ANTXR1: variants seen among roughly 807,000 people sequenced by gnomAD.
ANTXR1 encodes the protein ANTXR cell adhesion molecule 1, also known as anthrax toxin receptor 1.
A neutral mutation model predicts 78.1 loss-of-function variants in ANTXR1; 19 were observed. The observed-to-expected ratio is 0.24, with a 90% confidence interval of 0.17 to 0.36. The LOEUF is 0.36. Ranked by LOEUF, ANTXR1 falls within the 10% of genes least tolerant of loss-of-function variation. ANTXR1 has a pLI of 1.00. For synonymous variants in ANTXR1, 273 were observed against 260.5 expected, an observed-to-expected ratio of 1.05 and a Z score of -0.46; for missense variants, 518 against 718.6, an observed-to-expected ratio of 0.72 and a Z score of 3.19.
intron 12 of ANTXR1, among the ~76,000 whole-genome samples, chr2:69,140,453 C>G (rs1673039666): frequency 6.6e-6 from 1 of 152,182 alleles, no homozygotes; most frequent in African/African-American, 2.4e-5. Context: ...TTTAAAGCCA[C>G]AATATTTGAA....
chr2:69,038,280 T>C (rs542809152), intron 1 of ANTXR1, among the ~76,000 whole-genome samples: 1 of 152,290 alleles, frequency 6.6e-6, no homozygotes, highest in East Asian at 1.9e-4. Context: ...TAGTGCTGGG[T>C]GATGTTATTT....
intron 8 of ANTXR1, among the ~76,000 whole-genome samples, chr2:69,082,967 A>T (rs1670942450): frequency 6.6e-6 from 1 of 152,246 alleles, no homozygotes; most frequent in Admixed American, 6.5e-5. Context: ...CTGTGGCATG[A>T]CCATCCTTGT....
chr2:69,219,922 T>C (rs1232634727), intron 17 of ANTXR1, among the ~76,000 whole-genome samples: 1 of 152,164 alleles, frequency 6.6e-6, no homozygotes. Context: ...TGATTTTTTT[T>C]TGAACAGGCT....
At chr2:69,084,974 T>C (rs1671005734) in intron 8 of ANTXR1, among the ~76,000 whole-genome samples, 1 of 150,242 alleles carries the variant, frequency 6.7e-6, no homozygotes, top group African/African-American at 2.5e-5. Context: ...TGCCCCAGCC[T>C]CCCGAGTAGC....
intron 6 of ANTXR1, among the ~76,000 whole-genome samples, chr2:69,074,571 T>C (rs1283666719): frequency 6.6e-6 from 1 of 152,152 alleles, no homozygotes; most frequent in Admixed American, 6.5e-5. Context: ...CTATATAAAG[T>C]CCAACTGGAG....
chr2:69,141,433 C>T (rs1673065031), intron 12 of ANTXR1, among the ~76,000 whole-genome samples: 1 of 152,170 alleles, frequency 6.6e-6, no homozygotes, highest in Non-Finnish European at 1.5e-5. Context: ...GAAGGACAGG[C>T]AGTGGAGTTT....
At chr2:69,139,802 A>G (rs563944058) in intron 12 of ANTXR1, among the ~76,000 whole-genome samples, 64 of 152,358 alleles carry the variant, frequency 4.2e-4, no homozygotes, top group African/African-American at 1.4e-3. Flanking sequence ...TTGAGCATAT[A>G]CATTAAATAA....
intron 14 of ANTXR1, among the ~76,000 whole-genome samples, chr2:69,177,503 G>A (rs1265176979): frequency 6.6e-6 from 1 of 152,208 alleles, no homozygotes; most frequent in African/African-American, 2.4e-5. Flanking sequence ...ACCATCTGAG[G>A]AATGTGCTGC....
intron 12 of ANTXR1, among the ~76,000 whole-genome samples, chr2:69,131,100 A>C (rs894054196): frequency 6.6e-6 from 1 of 152,224 alleles, no homozygotes; most frequent in Non-Finnish European, 1.5e-5. Flanking sequence ...CCACAAAAAA[A>C]AATCTATCAT....
intron 10 of ANTXR1, among the ~76,000 whole-genome samples, chr2:69,120,088 C>T (rs1477219857): frequency 3.9e-5 from 6 of 152,214 alleles, no homozygotes; most frequent in Admixed American, 2.0e-4. Context: ...CAAACATCAT[C>T]GCTTAGCCTC....
At chr2:69,224,432 T>C (rs1017977318) in intron 17 of ANTXR1, among the ~76,000 whole-genome samples, 1 of 152,182 alleles carries the variant, frequency 6.6e-6, no homozygotes, top group African/African-American at 2.4e-5. Context: ...AAGAATGAAG[T>C]ACCATGTCCT....
intron 14 of ANTXR1, among the ~76,000 whole-genome samples, chr2:69,180,344 A>T (rs1248048553): frequency 6.6e-6 from 1 of 152,058 alleles, no homozygotes; most frequent in Non-Finnish European, 1.5e-5. Flanking sequence ...TGCTTTATCA[A>T]CCCCTTTTCC....
At chr2:69,044,669 A>T in intron 2 of ANTXR1, 73 bp from the exon 3 acceptor site, 1 of 1,492,734 alleles carries the variant, frequency 6.7e-7, no homozygotes, top group South Asian at 1.1e-5. Flanking sequence ...AGGGAAGGAC[A>T]GGGAGGGAGC....
intron 10 of ANTXR1, among the ~76,000 whole-genome samples, chr2:69,111,454 G>A (rs141440340): frequency 3.3e-4 from 51 of 152,332 alleles, no homozygotes; most frequent in African/African-American, 1.2e-3. Flanking sequence ...GCATGGAGAT[G>A]CATGAGGTAT....
chr2:69,180,798 A>G (rs1381163696), intron 14 of ANTXR1, among the ~76,000 whole-genome samples: 1 of 152,216 alleles, frequency 6.6e-6, no homozygotes. Flanking sequence ...ATCCTTAACT[A>G]AAAATAAAAC....
At chr2:69,057,899 A>G (rs1233280393) in intron 3 of ANTXR1, among the ~76,000 whole-genome samples, 1 of 152,232 alleles carries the variant, frequency 6.6e-6, no homozygotes, top group Non-Finnish European at 1.5e-5. Flanking sequence ...CAGTGAACAC[A>G]CAAATGATTA....
intron 17 of ANTXR1, among the ~76,000 whole-genome samples, chr2:69,220,313 T>C (rs1305312917): frequency 6.6e-6 from 1 of 152,224 alleles, no homozygotes; most frequent in Non-Finnish European, 1.5e-5. Context: ...GAGAAGGCTC[T>C]TCTAGACTTT....
At chr2:69,106,629 G>A (rs528790155) in intron 10 of ANTXR1, among the ~76,000 whole-genome samples, 2 of 152,312 alleles carry the variant, frequency 1.3e-5, no homozygotes, top group African/African-American at 2.4e-5. Flanking sequence ...CAGGTGTAAT[G>A]ATGTTACACC....
At chr2:69,242,058 G>T (rs1372021227) in intron 17 of ANTXR1, among the ~76,000 whole-genome samples, 1 of 152,126 alleles carries the variant, frequency 6.6e-6, no homozygotes, top group Non-Finnish European at 1.5e-5. Flanking sequence ...CAGGTGGTGG[G>T]GAGTGAGGGG....
Sources: allele counts gnomAD v4.1 joint callset (sites outside exome capture counted in the v4.1 genomes callset), GRCh38; gene constraint gnomAD v4.1.1; transcripts MANE v1.5; gene names NCBI Gene and HGNC (gene_info 2026-07-23, HGNC 2026-07-21).